PMS1: variants seen among roughly 807,000 people sequenced by gnomAD.
PMS1 encodes the protein PMS1 protein homolog 1.
A neutral mutation model predicts 93.1 loss-of-function variants in PMS1; 79 were observed. The observed-to-expected ratio is 0.85, with a 90% CI of 0.71 to 1.02. The LOEUF is 1.02. PMS1 is among the 50% of genes least tolerant of loss of function. The pLI, the probability that PMS1 is intolerant of heterozygous loss-of-function variation, is 0.00. For synonymous variants in PMS1, 335 were observed against 363.4 expected (o/e 0.92, Z 0.89); for missense variants, 1,064 against 1,085.3 (o/e 0.98, Z 0.28).
At chr2:189,865,979 A>G (rs1040734242) in intron 10 of PMS1, among the ~76,000 whole-genome samples, 1 of 152,242 alleles carries the variant, frequency 6.6e-6, no homozygotes, top group African/African-American at 2.4e-5. Context: ...ACAGAAAAAC[A>G]TCTGTTAAGT....
At chr2:189,785,613 TATTAATA>T (rs2048238352) in intron 1 of PMS1, 1 of 152,182 alleles carries the variant, frequency 6.6e-6, no homozygotes, top group South Asian at 2.1e-4. Flanking sequence ...CAGAAACACA[TATTAATA>T]GAGTAACTTG....
At chr2:189,801,980 A>G (rs1449520927) in intron 3 of PMS1, among the ~76,000 whole-genome samples, 1 of 152,234 alleles carries the variant, frequency 6.6e-6, no homozygotes, top group Non-Finnish European at 1.5e-5. Context: ...ATAGCCATTC[A>G]TAGGTAAATT....
chr2:189,867,972 G>A, intron 11 of PMS1, 43 bp downstream of exon 11: 1 of 1,512,592 alleles, frequency 6.6e-7, no homozygotes, highest in East Asian at 2.3e-5. Context: ...GGAAAAATTA[G>A]TCTTGTTCCA....
intron 6 of PMS1, among the ~76,000 whole-genome samples, chr2:189,846,460 G>A (rs143942989): frequency 1.6e-3 from 249 of 151,114 alleles, no homozygotes; most frequent in African/African-American, 6.0e-3. Flanking sequence ...GTTGCATTGA[G>A]CCCAGATCTT....
chr2:189,810,503 C>T (rs770371056), intron 4 of PMS1, among the ~76,000 whole-genome samples: 1 of 152,110 alleles, frequency 6.6e-6, no homozygotes, highest in African/African-American at 2.4e-5. Flanking sequence ...AAGGAGAAAC[C>T]AGCTGAACTT....
rs949678762 is a variant in PMS1 at position 189,876,982 on chromosome 2, A to G, written c.2635-290A>G. Among the ~76,000 whole-genome samples, 5 of 152,054 alleles carry G rather than the reference A, an allele frequency of 3.3e-5. No homozygotes were observed. The South Asian group carries it at 1.0e-3, about 32-fold the overall frequency. On this transcript the variant is annotated intron_variant, in intron 12 of 12. Coordinates refer to ENST00000441310, the MANE Select transcript of PMS1 (RefSeq NM_000534.5). ...CTTTTTCCAACTCTACAATCACTCT[A>G]TCATGTGGCCCAGTTTAATTTTACG... is the stretch of plus-strand genomic sequence containing the variant.
At chr2:189,875,912 G>A (rs1375158892) in intron 12 of PMS1, among the ~76,000 whole-genome samples, 1 of 130,940 alleles carries the variant, frequency 7.6e-6, no homozygotes, top group Non-Finnish European at 1.5e-5. Context: ...AGCTGAGGAC[G>A]CACACTGCAC....
intron 5 of PMS1, among the ~76,000 whole-genome samples, chr2:189,829,336 G>A (rs2052723073): frequency 6.6e-6 from 1 of 152,184 alleles, no homozygotes; most frequent in Non-Finnish European, 1.5e-5. Context: ...CACTGTTAAT[G>A]TGTTCCTTCT....
At chr2:189,832,337 A>G (rs1173981259) in intron 5 of PMS1, among the ~76,000 whole-genome samples, 3 of 152,220 alleles carry the variant, frequency 2.0e-5, no homozygotes, top group South Asian at 2.1e-4. Flanking sequence ...AAATACTGCT[A>G]TGTTGTTACA....
At position 189,864,232 on chromosome 2, in the gene PMS1, T is replaced by A. The variant is rs796374185; in HGVS notation, c.2342+4T>A. 1.9e-6 allele frequency: 3 copies of A among 1,579,982 alleles called. No individual in the cohort carries two copies. The African/African-American group carries it at 4.0e-5, about 21-fold the overall frequency. ...AGCCAATTATGTTAACAGAGAGGTA[T>A]GATGATACAATACTTTTTAAGAGTA... On this transcript the variant is annotated splice_donor_region_variant and intron_variant, in intron 10 of 12. Transcript: ENST00000441310.
chr2:189,800,523 G>T (rs1209175348), intron 3 of PMS1, among the ~76,000 whole-genome samples: 1 of 152,022 alleles, frequency 6.6e-6, no homozygotes, highest in African/African-American at 2.4e-5. Flanking sequence ...GCATTTTGGG[G>T]GAAAGGAGTT....
Position 189,862,744 on chromosome 2 carries a change from C to T in PMS1, c.1857-999C>T, listed in dbSNP as rs896497885. Among the ~76,000 whole-genome samples the T allele has an allele frequency of 7.2e-5, 11 of 152,256 alleles. No homozygotes were observed. In the South Asian group the frequency reaches 8.3e-4, roughly 11 times the overall value. ...CCAGGGCAACTTCCTTAGTTTAGGA[C>T]GTAGGTTTTTTATCCTAAGATGTGG... On this transcript the variant is annotated intron_variant, in intron 9 of 12. Transcript: ENST00000441310.
chr2:189,800,039 G>T (rs570817164), intron 3 of PMS1, among the ~76,000 whole-genome samples: 50 of 152,354 alleles, frequency 3.3e-4, no homozygotes, highest in African/African-American at 1.2e-3. Flanking sequence ...CAAATGCCAA[G>T]TCTTCTTACC....
chr2:189,829,889 C>T (rs1446185835), intron 5 of PMS1, among the ~76,000 whole-genome samples: 1 of 152,182 alleles, frequency 6.6e-6, no homozygotes, highest in Non-Finnish European at 1.5e-5. Flanking sequence ...TTATCTGTCA[C>T]CTGGATTTTT....
chr2:189,854,932 G>T lies in PMS1; in HGVS notation c.1660G>T (p.Asp554Tyr). The change falls in exon 9 of 13, where the codon GAT becomes TAT. Residue 554 changes from aspartate to tyrosine, a missense_variant. Transcript: ENST00000441310. ...DSCNKKSNVI[D>Y]NKSGKVTAYD... ...ATGTAACAAAAAATCAAATGTAATAGATAATAAATCTGGAAAAGTTACAGC... is the reference window on the plus strand; with the variant it reads ...ATGTAACAAAAAATCAAATGTAATATATAATAAATCTGGAAAAGTTACAGC... The T allele has an allele frequency of 6.2e-7, 1 of 1,607,658 alleles. No individual in the cohort carries two copies. The highest frequency in any genetic ancestry group is 8.5e-7 in the Non-Finnish European group (1 of 1,174,788).
chr2:189,848,892 C>A (rs1332255806), intron 6 of PMS1, among the ~76,000 whole-genome samples: 2 of 152,152 alleles, frequency 1.3e-5, no homozygotes, highest in African/African-American at 4.8e-5. Context: ...TTTCTCCATC[C>A]CTGGCCAAAA....
intron 3 of PMS1, among the ~76,000 whole-genome samples, chr2:189,802,048 G>A (rs555465826): frequency 1.3e-5 from 2 of 151,920 alleles, no homozygotes; most frequent in East Asian, 1.9e-4. Context: ...TTTTTCTCTC[G>A]TTTTTCCCTC....
chr2:189,795,505 T>A (rs1396549919), intron 2 of PMS1, among the ~76,000 whole-genome samples: 1 of 152,186 alleles, frequency 6.6e-6, no homozygotes, highest in East Asian at 1.9e-4. Context: ...ATACCCATGA[T>A]AATGAAACAG....
At chr2:189,833,539 G>A (rs545718246) in intron 5 of PMS1, among the ~76,000 whole-genome samples, 71 of 152,120 alleles carry the variant, frequency 4.7e-4, no homozygotes, top group Non-Finnish European at 8.8e-4. Context: ...CTGAGATCAC[G>A]CCATTGCACT....
Sources: allele counts gnomAD v4.1 joint callset (sites outside exome capture counted in the v4.1 genomes callset), GRCh38; gene constraint gnomAD v4.1.1; transcripts MANE v1.5; gene names NCBI Gene and HGNC (gene_info 2026-07-23, HGNC 2026-07-21).